Variants in APLP2 observed in about 807,000 individuals in gnomAD.
APLP2 encodes amyloid beta precursor like protein 2.
In APLP2, 53 loss-of-function variants were observed where a neutral mutation model predicts 89.9. The observed-to-expected ratio is 0.59, with a 90% CI of 0.47 to 0.74. The LOEUF is 0.74. Among genes scored for constraint, APLP2 ranks in the 30% least tolerant of loss-of-function variants. The probability of loss-of-function intolerance (pLI) is 0.00; values close to 1 mark genes in which losing one functional copy is unlikely to be tolerated. For synonymous variants in APLP2, 372 were observed against 348.6 expected, an observed-to-expected ratio of 1.07 and a Z score of -0.75; for missense variants, 973 against 975.9, an observed-to-expected ratio of 1.00 and a Z score of 0.04.
At chr11:130,070,577 AGG>A in intron 1 of APLP2, 1 of 1,304,180 alleles carries the variant, frequency 7.7e-7, no homozygotes, top group Non-Finnish European at 9.7e-7. Context: ...CTTTGTTGCC[AGG>A]TGGACGCGGC....
Position 130,109,590 on chromosome 11 carries a change from G to C in APLP2, c.267G>C (p.Gln89His), listed in dbSNP as rs376415875. 11 of 1,612,554 alleles carry C rather than the reference G, an allele frequency of 6.8e-6. No homozygotes were observed. The highest frequency in any genetic ancestry group is 8.5e-6 in the Non-Finnish European group (10 of 1,179,406). Residue 89 changes from glutamine to histidine, a missense_variant, in exon 2 of 17, where the codon CAG becomes CAC. Coordinates refer to ENST00000338167, the MANE Select transcript of APLP2 (RefSeq NM_001142276.2). ...SCFETKEEVL[Q>H]YCQEMYPELQ... ...TTGAAACAAAAGAAGAAGTTCTTCA[G>C]TACTGTCAGGAGGTAAGAGTGTTGC...
chr11:130,071,138 C>T (rs1941000204), intron 1 of APLP2, among the ~76,000 whole-genome samples: 1 of 152,254 alleles, frequency 6.6e-6, no homozygotes, highest in Non-Finnish European at 1.5e-5. Flanking sequence ...CAACTGGTTT[C>T]TGCATACTTA....
intron 1 of APLP2, among the ~76,000 whole-genome samples, chr11:130,092,010 C>T (rs1236607212): frequency 3.7e-5 from 5 of 133,948 alleles, no homozygotes; most frequent in African/African-American, 1.6e-4. Context: ...TCAGACGGGG[C>T]GGCCGGGCAG....
intron 1 of APLP2, among the ~76,000 whole-genome samples, chr11:130,071,548 T>G (rs913138908): frequency 2.0e-5 from 3 of 152,226 alleles, no homozygotes; most frequent in African/African-American, 7.2e-5. Flanking sequence ...GGGACTTCAC[T>G]AGTGGGTCGG....
chr11:130,089,110 T>C (rs1225284361), intron 1 of APLP2, among the ~76,000 whole-genome samples: 1 of 152,182 alleles, frequency 6.6e-6, no homozygotes, highest in Non-Finnish European at 1.5e-5. Flanking sequence ...ATTCTCCCAG[T>C]TGTCAGAATT....
At chr11:130,099,672 C>T (rs1946649336) in intron 1 of APLP2, among the ~76,000 whole-genome samples, 1 of 152,208 alleles carries the variant, frequency 6.6e-6, no homozygotes, top group Non-Finnish European at 1.5e-5. Context: ...ATGCAACCTG[C>T]TTTCCTCATG....
chr11:130,121,648 A>G lies in APLP2; in HGVS notation c.551A>G (p.Tyr184Cys). ...ACTCAGGGAATGACCTTATATAGCT[A>G]CGGCATGCTGCTCCCATGTGGGGTA... ...CLTQGMTLYS[Y>C]GMLLPCGVDQ... The change falls in exon 5 of 17, where the codon TAC (tyrosine) becomes TGC (cysteine). Residue 184 changes from tyrosine (Y) to cysteine (C), a missense_variant. Physicochemically the swap from Tyr to Cys is radical, Grantham distance 194. Coordinates refer to ENST00000338167, the MANE Select transcript of APLP2 (RefSeq NM_001142276.2). 1 of 1,614,126 alleles carries G rather than the reference A, an allele frequency of 6.2e-7. No individual in the cohort carries two copies. The highest frequency in any genetic ancestry group is 8.5e-7 in the Non-Finnish European group (1 of 1,180,000).
At chr11:130,092,383 T>G (rs1383395777) in intron 1 of APLP2, among the ~76,000 whole-genome samples, 6 of 107,628 alleles carry the variant, frequency 5.6e-5, no homozygotes, top group East Asian at 3.5e-4. Flanking sequence ...CTGGGAGGTG[T>G]AGGTTGTAGT....
chr11:130,140,569 C>T (rs1217225699), intron 14 of APLP2, 86 bp downstream of exon 14: 16 of 1,136,274 alleles, frequency 1.4e-5, no homozygotes, highest in Non-Finnish European at 1.9e-5. Context: ...CTTCCAGGTG[C>T]ACGTCTCTGT....
At chr11:130,130,469 T>C (rs563555016) in intron 11 of APLP2, among the ~76,000 whole-genome samples, 1 of 152,358 alleles carries the variant, frequency 6.6e-6, no homozygotes, top group Non-Finnish European at 1.5e-5. Flanking sequence ...CTTTTCTAGG[T>C]ATATTTATCA....
At chr11:130,106,370 G>A (rs890201633) in intron 1 of APLP2, among the ~76,000 whole-genome samples, 1 of 152,084 alleles carries the variant, frequency 6.6e-6, no homozygotes, top group Non-Finnish European at 1.5e-5. Flanking sequence ...TTCCTCTCTT[G>A]GAATGTGCAC....
chr11:130,142,999 G>A (rs1952608613), intron 16 of APLP2, among the ~76,000 whole-genome samples: 1 of 152,140 alleles, frequency 6.6e-6, no homozygotes, highest in Non-Finnish European at 1.5e-5. Flanking sequence ...TGGTCCCACC[G>A]TCTGCTTGCT....
In APLP2 at chr11:130,143,735, C is replaced by T. The variant is rs1051393629; in HGVS notation, c.*287C>T. On this transcript the variant is annotated 3_prime_UTR_variant, in exon 17 of 17. Transcript: ENST00000338167. ...TCTTTTTTAAATTAATCAGAAACCC[C>T]ACTTCCATTGTATTGTCTGACACAT... 1.5e-5 allele frequency: 5 copies of T among 331,776 alleles called. No homozygotes were observed. The highest frequency in any genetic ancestry group is 2.3e-5 in the Non-Finnish European group (4 of 175,280). The allele number at this position is 331,776 out of a possible 1,614,324, so 20.6% of individuals were successfully genotyped here.
rs868207213 is a variant in APLP2 at position 130,091,643 on chromosome 11, C to A, written c.106-17786C>A. On this transcript the variant is annotated intron_variant, in intron 1 of 16. Coordinates refer to ENST00000338167, the MANE Select transcript of APLP2 (RefSeq NM_001142276.2). ...CGGGGTGGCTGGCCGGGCTGAGGGG[C>A]TCCTCACTTCCCAGTAGGGGCGGCC... 2.1e-4 allele frequency among the ~76,000 whole-genome samples: 26 copies of A among 124,222 alleles called. No homozygotes were observed. The South Asian group carries it at 6.5e-3, about 31-fold the overall frequency. 81.5% of individuals were successfully genotyped at this position (124,222 alleles called of 152,430 possible).
intron 1 of APLP2, among the ~76,000 whole-genome samples, chr11:130,084,989 A>C (rs1309657721): frequency 6.6e-6 from 1 of 152,242 alleles, no homozygotes; most frequent in East Asian, 1.9e-4. Context: ...CCATGAAAAT[A>C]AAAAGTATCG....
At chr11:130,118,691 A>T (rs1160330509) in intron 3 of APLP2, among the ~76,000 whole-genome samples, 1 of 152,220 alleles carries the variant, frequency 6.6e-6, no homozygotes, top group Non-Finnish European at 1.5e-5. Flanking sequence ...GGCAGATTCT[A>T]GCTTACTGTT....
chr11:130,120,279 C>G (rs965511316), intron 3 of APLP2, among the ~76,000 whole-genome samples: 3 of 152,044 alleles, frequency 2.0e-5, no homozygotes, highest in African/African-American at 7.2e-5. Flanking sequence ...CATGTTTTGT[C>G]TAAAGATTCA....
chr11:130,070,577 A>G lies in APLP2; in HGVS notation c.105+495A>G, dbSNP rs1032735180. The G allele has an allele frequency of 3.1e-6, 4 of 1,304,074 alleles. No homozygotes were observed. In the African/African-American group the frequency reaches 4.7e-5, roughly 15 times the overall value. 80.8% of individuals were successfully genotyped at this position (1,304,074 alleles called of 1,614,324 possible). On this transcript the variant is annotated intron_variant, in intron 1 of 16. Transcript: ENST00000338167. ...AGCGGCGGGCTTCGCCTTTGTTGCC[A>G]GGTGGACGCGGCCCCGGCCTTCGCG...
chr11:130,107,063 T>A (rs1370510397), intron 1 of APLP2, among the ~76,000 whole-genome samples: 2 of 152,208 alleles, frequency 1.3e-5, no homozygotes, highest in Non-Finnish European at 2.9e-5. Flanking sequence ...GGTCACACTT[T>A]TTGTGAGTTT....
Sources: allele counts gnomAD v4.1 joint callset (sites outside exome capture counted in the v4.1 genomes callset), GRCh38; gene constraint gnomAD v4.1.1; transcripts MANE v1.5; gene names NCBI Gene and HGNC (gene_info 2026-07-23, HGNC 2026-07-21).